EXT1: variants seen among roughly 807,000 people sequenced by gnomAD.
The protein encoded by EXT1 is exostosin-1.
A neutral mutation model predicts 82.5 loss-of-function variants in EXT1; 20 were observed. That is an observed-to-expected ratio of 0.24 (90% confidence interval 0.17 to 0.35). The LOEUF is 0.35. EXT1 is among the 10% of genes least tolerant of loss of function. EXT1 has a pLI of 1.00. For synonymous variants in EXT1, 348 were observed against 350.8 expected (o/e 0.99, Z 0.09); for missense variants, 757 against 936.5 (o/e 0.81, Z 2.50).
intron 1 of EXT1, among the ~76,000 whole-genome samples, chr8:117,848,601 G>C (rs1812403751): frequency 6.6e-6 from 1 of 152,144 alleles, no homozygotes; most frequent in Non-Finnish European, 1.5e-5. Flanking sequence ...GGAGTATTGA[G>C]CAGGCCCTAC....
chr8:118,053,307 G>A (rs903172860), intron 1 of EXT1, among the ~76,000 whole-genome samples: 3 of 152,120 alleles, frequency 2.0e-5, no homozygotes, highest in African/African-American at 7.2e-5. Context: ...TTCGGCCAAT[G>A]TCCCTCTCAG....
rs1823351764 is a variant in EXT1, at chr8:117,812,911, C to T, written c.1683G>A (p.Val561=). ...GCACCGTGTCCTCGTCAAGGCTGAG[C>T]ACGGCGTCTGTGATGATGTTGTCGT... ...LPYDNIITDA[V]LSLDEDTVLS... is the part of the protein sequence containing the mutation. The change falls in exon 8 of 11, where the codon GTG becomes GTA. Residue 561 remains valine (V), a synonymous_variant. Coordinates refer to ENST00000378204, the MANE Select transcript of EXT1 (RefSeq NM_000127.3). 1.9e-6 allele frequency: 3 copies of T among 1,613,904 alleles called. No homozygotes were observed.
intron 1 of EXT1, among the ~76,000 whole-genome samples, chr8:117,959,061 T>C (rs1304179052): frequency 6.6e-6 from 1 of 152,134 alleles, no homozygotes; most frequent in Admixed American, 6.5e-5. Flanking sequence ...TTTGAACTCC[T>C]AGGAGGTCCA....
intron 1 of EXT1, among the ~76,000 whole-genome samples, chr8:117,840,966 C>A (rs1008238399): frequency 3.3e-5 from 5 of 152,142 alleles, no homozygotes; most frequent in African/African-American, 1.2e-4. Flanking sequence ...ACATTTCTAG[C>A]AGGAAGGTAA....
At chr8:118,022,889 C>T (rs1308739630) in intron 1 of EXT1, among the ~76,000 whole-genome samples, 1 of 152,102 alleles carries the variant, frequency 6.6e-6, no homozygotes, top group Non-Finnish European at 1.5e-5. Context: ...AACCCTGGAA[C>T]ATTCACAGTA....
At chr8:118,001,173 C>T (rs1422588548) in intron 1 of EXT1, among the ~76,000 whole-genome samples, 1 of 152,066 alleles carries the variant, frequency 6.6e-6, no homozygotes, top group East Asian at 1.9e-4. Context: ...CTACTGTACA[C>T]TACCCTGTCA....
chr8:118,064,176 T>C (rs1224337817), intron 1 of EXT1, among the ~76,000 whole-genome samples: 2 of 151,848 alleles, frequency 1.3e-5, no homozygotes, highest in African/African-American at 4.9e-5. Context: ...TACACACTTT[T>C]TTTCTTTTTC....
At position 117,960,336 on chromosome 8, in the gene EXT1, T is replaced by C. The variant is rs557603977; in HGVS notation, c.963-123135A>G. Among the ~76,000 whole-genome samples the C allele has an allele frequency of 8.5e-5, 13 of 152,368 alleles. No individual in the cohort carries two copies. The South Asian group carries it at 1.9e-3, about 22-fold the overall frequency. On this transcript the variant is annotated intron_variant, in intron 1 of 10. Transcript: ENST00000378204. The stretch of plus-strand genomic sequence containing the variant: ...CATGGTAAAACTTGAAACTATTTTG[T>C]ACATGTAATCTAAATGCAATCCTCC...
intron 1 of EXT1, among the ~76,000 whole-genome samples, chr8:117,985,969 T>C (rs1815307693): frequency 6.6e-6 from 1 of 152,212 alleles, no homozygotes; most frequent in South Asian, 2.1e-4. Context: ...TATTCTTATT[T>C]CACTGATTTT....
intron 1 of EXT1, among the ~76,000 whole-genome samples, chr8:118,037,281 G>A (rs149814241): frequency 1.7e-4 from 26 of 152,164 alleles, no homozygotes; most frequent in South Asian, 8.3e-4. Flanking sequence ...GGGGATGTAC[G>A]TGTGCACAGA....
rs186032540 is a variant in EXT1, at chr8:117,949,712, T to G, written c.963-112511A>C. Among the ~76,000 whole-genome samples the G allele has an allele frequency of 1.8e-3, 279 of 152,178 alleles. 5 individuals are homozygous for G. Among genetic ancestry groups the G allele is most frequent in the Non-Finnish European group, 7.1e-4 (48 of 68,000 alleles). On this transcript the variant is annotated intron_variant, in intron 1 of 10. Transcript: ENST00000378204. ...ACCTGGTAATAAAGAGACATCTTACTAATTAAGATTTCAAAGGGATATTTA... is the reference window on the plus strand; with the variant it reads ...ACCTGGTAATAAAGAGACATCTTACGAATTAAGATTTCAAAGGGATATTTA...
At chr8:117,851,898 G>T (rs1011619806) in intron 1 of EXT1, among the ~76,000 whole-genome samples, 1 of 152,184 alleles carries the variant, frequency 6.6e-6, no homozygotes, top group East Asian at 1.9e-4. Flanking sequence ...GTCTGAAAAG[G>T]GTTGGAATGG....
chr8:117,986,480 AGCCACC>A (rs1408417129), intron 1 of EXT1, among the ~76,000 whole-genome samples: 1 of 152,156 alleles, frequency 6.6e-6, no homozygotes. Context: ...TACAGGCGTG[AGCCACC>A]GCACCTGGAA....
intron 1 of EXT1, among the ~76,000 whole-genome samples, chr8:118,093,602 G>A (rs543432728): frequency 6.6e-5 from 10 of 152,316 alleles, no homozygotes; most frequent in African/African-American, 2.2e-4. Flanking sequence ...CTGCTACAAT[G>A]TGGAACTGGA....
chr8:118,094,002 C>T (rs551869615), intron 1 of EXT1, among the ~76,000 whole-genome samples: 5 of 152,170 alleles, frequency 3.3e-5, no homozygotes, highest in African/African-American at 7.2e-5. Flanking sequence ...TGCCCCTGCA[C>T]GGTGGAATCA....
At chr8:117,980,417 T>G (rs2129763972) in intron 1 of EXT1, among the ~76,000 whole-genome samples, 2 of 152,292 alleles carry the variant, frequency 1.3e-5, no homozygotes, top group South Asian at 4.1e-4. Flanking sequence ...GGAGCACCCA[T>G]TTCACTTGGA....
intron 1 of EXT1, among the ~76,000 whole-genome samples, chr8:118,099,018 C>T (rs1040491184): frequency 6.6e-5 from 10 of 152,188 alleles, no homozygotes; most frequent in African/African-American, 1.4e-4. Context: ...ATTAATCATA[C>T]GGTTTTCAAA....
chr8:117,835,434 C>T lies in EXT1; in HGVS notation c.1164+10G>A, dbSNP rs760402721. On this transcript the variant is annotated intron_variant, in intron 3 of 10. Transcript: ENST00000378204. ...TGCTGATGTGTTGAAGGCCACAGCC[C>T]CTTCCTTACCTGTAATAACAATCTC... 1.2e-6 allele frequency: 2 copies of T among 1,604,984 alleles called. No individual in the cohort carries two copies. Among genetic ancestry groups the T allele is most frequent in the South Asian group, 1.1e-5 (1 of 90,884 alleles).
At chr8:118,102,271 T>C (rs1370285793) in intron 1 of EXT1, among the ~76,000 whole-genome samples, 2 of 146,374 alleles carry the variant, frequency 1.4e-5, no homozygotes, top group Admixed American at 6.8e-5. Context: ...TGTCTCAAAA[T>C]AATAATAAAC....
Sources: gnomAD v4.1 joint callset for allele counts (sites outside exome capture counted in the v4.1 genomes callset) on GRCh38, gnomAD v4.1.1 for gene constraint, MANE v1.5 for transcripts, NCBI Gene and HGNC (gene_info 2026-07-23, HGNC 2026-07-21) for gene names.